The following LSAMP variants were observed in gnomAD, a reference collection of about 807,000 sequenced individuals.
LSAMP encodes the protein limbic system associated membrane protein.
In LSAMP, 7 loss-of-function variants were observed where a neutral mutation model predicts 38.6. The observed-to-expected ratio is 0.18, with a 90% CI of 0.10 to 0.34. LSAMP has a LOEUF of 0.34. Ranked by LOEUF, LSAMP falls within the 10% of genes least tolerant of loss-of-function variation. LSAMP has a pLI of 1.00. For missense variants in LSAMP, 313 were observed against 420.0 expected, an observed-to-expected ratio of 0.75 and a Z score of 2.23; for synonymous variants, 154 against 166.8, an observed-to-expected ratio of 0.92 and a Z score of 0.59.
chr3:116,135,607 T>G (rs985260556), intron 1 of LSAMP, among the ~76,000 whole-genome samples: 1 of 152,166 alleles, frequency 6.6e-6, no homozygotes, highest in Non-Finnish European at 1.5e-5. Flanking sequence ...ACATTCATCT[T>G]GGTCAAATGA....
At chr3:115,869,627 C>T (rs577034228) in intron 3 of LSAMP, among the ~76,000 whole-genome samples, 1 of 152,072 alleles carries the variant, frequency 6.6e-6, no homozygotes, top group Non-Finnish European at 1.5e-5. Flanking sequence ...TGAACAGTGC[C>T]CAGACACAGT....
chr3:116,023,598 C>T (rs1193718014), intron 2 of LSAMP, among the ~76,000 whole-genome samples: 2 of 130,118 alleles, frequency 1.5e-5, no homozygotes, highest in Non-Finnish European at 3.2e-5. Context: ...GAGCGAGACT[C>T]CGTCTCAAAA....
chr3:116,156,901 C>T (rs1709762727), intron 1 of LSAMP, among the ~76,000 whole-genome samples: 1 of 152,076 alleles, frequency 6.6e-6, no homozygotes, highest in South Asian at 2.1e-4. Context: ...TCTTTAGATG[C>T]TTAATGAGCA....
At chr3:116,065,405 G>A (rs1017771020) in intron 2 of LSAMP, among the ~76,000 whole-genome samples, 4 of 152,132 alleles carry the variant, frequency 2.6e-5, no homozygotes, top group African/African-American at 9.7e-5. Flanking sequence ...ATATTTGGTT[G>A]ATATCTGTGA....
chr3:116,343,054 A>G (rs748799756), intron 1 of LSAMP, among the ~76,000 whole-genome samples: 16 of 152,140 alleles, frequency 1.1e-4, no homozygotes, highest in Non-Finnish European at 2.4e-4. Flanking sequence ...GTAATGAAGT[A>G]TAATGGGTTA....
chr3:116,181,485 G>A (rs1274468142), intron 1 of LSAMP, among the ~76,000 whole-genome samples: 2 of 152,034 alleles, frequency 1.3e-5, no homozygotes, highest in Non-Finnish European at 2.9e-5. Context: ...TACACAGGAA[G>A]TTTATGTCTA....
chr3:116,313,500 T>C (rs1309235175), intron 1 of LSAMP, among the ~76,000 whole-genome samples: 1 of 152,182 alleles, frequency 6.6e-6, no homozygotes, highest in Non-Finnish European at 1.5e-5. Context: ...GCACTGCCTG[T>C]GTTTTCTCTT....
chr3:116,121,897 T>TC, intron 1 of LSAMP, among the ~76,000 whole-genome samples: 1 of 151,732 alleles, frequency 6.6e-6, no homozygotes, highest in Non-Finnish European at 1.5e-5. Context: ...TTTTTTTTTT[T>TC]TTTTTTTAGC....
Position 116,127,846 on chromosome 3 carries a change from A to G in LSAMP, c.156-41290T>C, listed in dbSNP as rs568452587. 3.8e-3 allele frequency among the ~76,000 whole-genome samples: 573 copies of G among 152,014 alleles called. 4 individuals are homozygous for G. The highest frequency in any genetic ancestry group is 0.013 in the African/African-American group (537 of 41,492). On this transcript the variant is annotated intron_variant, in intron 1 of 6. Coordinates refer to ENST00000490035, the MANE Select transcript of LSAMP (RefSeq NM_002338.5). Reference sequence around the variant, plus strand: ...TGCCTTTTATTCATTAGGGGAGTTAATTTTAAGCAACATTTACCCTGAAAC... The same window carrying G: ...TGCCTTTTATTCATTAGGGGAGTTAGTTTTAAGCAACATTTACCCTGAAAC...
At chr3:116,304,728 T>A (rs1010045339) in intron 1 of LSAMP, among the ~76,000 whole-genome samples, 2 of 152,102 alleles carry the variant, frequency 1.3e-5, no homozygotes, top group Non-Finnish European at 2.9e-5. Context: ...AATACTATCA[T>A]AATAGCCCCA....
intron 1 of LSAMP, among the ~76,000 whole-genome samples, chr3:116,261,743 A>C (rs575871526): frequency 6.6e-6 from 1 of 152,174 alleles, no homozygotes; most frequent in South Asian, 2.1e-4. Context: ...AAATCTTTCC[A>C]AAATGCTCTT....
At chr3:115,966,376 CTATTT>C (rs1938814438) in intron 3 of LSAMP, among the ~76,000 whole-genome samples, 1 of 152,184 alleles carries the variant, frequency 6.6e-6, no homozygotes, top group South Asian at 2.1e-4. Flanking sequence ...AAATGTATGA[CTATTT>C]TATTTAAACT....
At chr3:116,157,578 T>A (rs1709783835) in intron 1 of LSAMP, among the ~76,000 whole-genome samples, 1 of 151,924 alleles carries the variant, frequency 6.6e-6, no homozygotes, top group African/African-American at 2.4e-5. Flanking sequence ...AAAACAGAAA[T>A]AAGTAAGGAA....
At chr3:115,890,577 C>T (rs1188267246) in intron 3 of LSAMP, among the ~76,000 whole-genome samples, 1 of 151,936 alleles carries the variant, frequency 6.6e-6, no homozygotes, top group African/African-American at 2.4e-5. Context: ...TCTAAGTCCT[C>T]TCACTTTCTA....
chr3:115,884,639 T>C (rs1012774131), intron 3 of LSAMP, among the ~76,000 whole-genome samples: 1 of 151,928 alleles, frequency 6.6e-6, no homozygotes, highest in Admixed American at 6.6e-5. Flanking sequence ...TGTAAAGATA[T>C]TGCAAATATC....
intron 3 of LSAMP, among the ~76,000 whole-genome samples, chr3:115,878,525 G>A (rs947517095): frequency 1.6e-5 from 2 of 124,204 alleles, no homozygotes; most frequent in Non-Finnish European, 3.1e-5. Context: ...GCAGTGGTAC[G>A]ATCTCAGCTC....
At chr3:115,813,405 T>C (rs1933904218) in intron 6 of LSAMP, among the ~76,000 whole-genome samples, 1 of 152,184 alleles carries the variant, frequency 6.6e-6, no homozygotes, top group African/African-American at 2.4e-5. Flanking sequence ...ATAAGCTATA[T>C]TATTGAGGTT....
chr3:116,434,533 G>T (rs1171087976), intron 1 of LSAMP, among the ~76,000 whole-genome samples: 1 of 152,140 alleles, frequency 6.6e-6, no homozygotes, highest in Non-Finnish European at 1.5e-5. Flanking sequence ...GGAGCAAAGA[G>T]GTAACTAGTA....
chr3:115,851,927 C>T (rs1401306806), intron 4 of LSAMP, among the ~76,000 whole-genome samples: 1 of 152,150 alleles, frequency 6.6e-6, no homozygotes, highest in Non-Finnish European at 1.5e-5. Flanking sequence ...GTGAAATCTT[C>T]CTTTCTAATG....
Sources: gnomAD v4.1 joint callset for allele counts (sites outside exome capture counted in the v4.1 genomes callset) on GRCh38, gnomAD v4.1.1 for gene constraint, MANE v1.5 for transcripts, NCBI Gene and HGNC (gene_info 2026-07-23, HGNC 2026-07-21) for gene names.